The following CNBD2 variants were observed in gnomAD, a reference collection of about 807,000 sequenced individuals.
CNBD2 encodes cyclic nucleotide binding domain containing 2.
Under a neutral mutation model 63.7 loss-of-function variants are expected in CNBD2, and 64 were observed. The ratio of observed to expected loss-of-function variants is 1.00; its 90% CI spans 0.82 to 1.24. The LOEUF (loss-of-function observed/expected upper bound fraction) is 1.24. CNBD2 is among the 50% of genes most tolerant of loss of function. The probability of loss-of-function intolerance (pLI) is 0.00; values close to 1 mark genes in which losing one functional copy is unlikely to be tolerated. For missense variants in CNBD2, 691 were observed against 713.5 expected (o/e 0.97, Z 0.36); for synonymous variants, 229 against 255.4 (o/e 0.90, Z 0.99).
chr20:36,005,366 G>A (rs151123887), intron 8 of CNBD2, among the ~76,000 whole-genome samples: 2,300 of 152,244 alleles, frequency 0.015, 21 homozygotes, highest in Non-Finnish European at 0.023. Flanking sequence ...AGACTCTAAT[G>A]CCGCCACTGA....
chr20:36,018,245 G>C (rs982542904), intron 10 of CNBD2, among the ~76,000 whole-genome samples: 1 of 152,118 alleles, frequency 6.6e-6, no homozygotes, highest in Non-Finnish European at 1.5e-5. Context: ...AGTTTGGTAG[G>C]CAGTGACAGG....
intron 8 of CNBD2, among the ~76,000 whole-genome samples, chr20:36,004,240 T>C (rs1216647224): frequency 6.6e-6 from 1 of 152,216 alleles, no homozygotes. Context: ...AGAGGCTGCC[T>C]ACCACTGGTA....
chr20:35,966,200 C>G (rs1158391946), upstream of CNBD2, among the ~76,000 whole-genome samples: 1 of 152,200 alleles, frequency 6.6e-6, no homozygotes, highest in Non-Finnish European at 1.5e-5. Context: ...CTCTCTGTCT[C>G]TCTTTCTAAA....
chr20:35,973,119 G>GT, intron 2 of CNBD2: 1 of 405,294 alleles, frequency 2.5e-6, no homozygotes, highest in South Asian at 6.8e-5. Flanking sequence ...ATCATGCCTA[G>GT]TTTTTCTCTT....
At chr20:36,011,560 C>T (rs1408081940) in intron 10 of CNBD2, among the ~76,000 whole-genome samples, 2 of 152,024 alleles carry the variant, frequency 1.3e-5, no homozygotes, top group Non-Finnish European at 2.9e-5. Context: ...TGGTGTACGC[C>T]TGTAATCCCA....
intron 10 of CNBD2, among the ~76,000 whole-genome samples, chr20:36,013,926 A>G (rs1296050451): frequency 1.3e-5 from 2 of 152,092 alleles, no homozygotes; most frequent in African/African-American, 4.8e-5. Flanking sequence ...TCACGCCTGT[A>G]ATCCCAGCAC....
At chr20:36,004,410 A>C (rs1362647544) in intron 8 of CNBD2, among the ~76,000 whole-genome samples, 1 of 152,080 alleles carries the variant, frequency 6.6e-6, no homozygotes, top group Non-Finnish European at 1.5e-5. Flanking sequence ...CTTCTGTCTC[A>C]TCAATTCAAG....
At chr20:36,029,359 T>A (rs2057317301) in intron 11 of CNBD2, among the ~76,000 whole-genome samples, 1 of 152,178 alleles carries the variant, frequency 6.6e-6, no homozygotes, top group African/African-American at 2.4e-5. Context: ...TGTTATTTAT[T>A]ATGTAAGAAA....
At chr20:35,975,890 C>G in intron 2 of CNBD2, 59 bp from the exon 3 acceptor site, 1 of 1,498,774 alleles carries the variant, frequency 6.7e-7, no homozygotes, top group East Asian at 2.3e-5. Flanking sequence ...GCTCTAGATG[C>G]AAAGTTCTAG....
intron 3 of CNBD2, among the ~76,000 whole-genome samples, chr20:35,978,545 C>G (rs530119045): frequency 6.6e-6 from 1 of 152,148 alleles, no homozygotes; most frequent in Non-Finnish European, 1.5e-5. Context: ...GGGGTTTCAC[C>G]GTGTTAGCCA....
chr20:35,995,119 A>G lies in CNBD2; in HGVS notation c.937A>G (p.Ile313Val). The G allele has an allele frequency of 3.1e-6, 5 of 1,613,994 alleles. No individual in the cohort carries two copies. The highest frequency in any genetic ancestry group is 3.4e-6 in the Non-Finnish European group (4 of 1,179,900). The change falls in exon 8 of 12, where the codon ATA becomes GTA. Residue 313 changes from isoleucine to valine, a missense_variant. Ile to Val is a conservative substitution (Grantham distance 29). Coordinates refer to ENST00000373973, the MANE Select transcript of CNBD2 (RefSeq NM_001365709.1). ...ATGGATCTGGCAGCACCTGGAGCTGATAGATGGCAGACCTCTGAAGACCCA... is the reference window on the plus strand; with the variant it reads ...ATGGATCTGGCAGCACCTGGAGCTGGTAGATGGCAGACCTCTGAAGACCCA... ...RRWIWQHLEL[I>V]DGRPLKTHLS... is the part of the protein sequence containing the mutation.
chr20:35,996,649 G>A (rs1024372120), intron 8 of CNBD2, among the ~76,000 whole-genome samples: 4 of 151,644 alleles, frequency 2.6e-5, no homozygotes, highest in Non-Finnish European at 4.4e-5. Flanking sequence ...CTGGGATTAC[G>A]GGCACATGCC....
At chr20:36,019,591 G>A (rs183050513) in intron 10 of CNBD2, among the ~76,000 whole-genome samples, 2 of 142,932 alleles carry the variant, frequency 1.4e-5, no homozygotes, top group East Asian at 4.2e-4. Context: ...AAGTGTTCAA[G>A]ACAGACAAGC....
intron 3 of CNBD2, among the ~76,000 whole-genome samples, 160 bp from the exon 4 acceptor site, chr20:35,980,299 A>G (rs972834356): frequency 2.0e-5 from 3 of 151,878 alleles, no homozygotes; most frequent in Non-Finnish European, 4.4e-5. Context: ...GGGCGTGTAA[A>G]ATGTTTATCC....
chr20:35,977,302 C>T (rs542036102), intron 3 of CNBD2, among the ~76,000 whole-genome samples: 3 of 152,312 alleles, frequency 2.0e-5, no homozygotes, highest in South Asian at 4.1e-4. Flanking sequence ...CCAATTTATC[C>T]TCCCGTCTCA....
chr20:35,971,720 G>C (rs2056421280), intron 1 of CNBD2, among the ~76,000 whole-genome samples: 1 of 152,108 alleles, frequency 6.6e-6, no homozygotes, highest in Non-Finnish European at 1.5e-5. Context: ...CTGGCCTAGG[G>C]TGCCTTTTAT....
upstream of CNBD2, among the ~76,000 whole-genome samples, chr20:35,968,168 G>A (rs973365299): frequency 3.9e-5 from 6 of 152,258 alleles, no homozygotes; most frequent in Non-Finnish European, 7.4e-5. Flanking sequence ...AAATTAAGGG[G>A]CAGGCTAATG....
intron 10 of CNBD2, among the ~76,000 whole-genome samples, chr20:36,021,285 T>C (rs1349412279): frequency 1.3e-5 from 2 of 152,076 alleles, no homozygotes; most frequent in African/African-American, 4.8e-5. Flanking sequence ...GGCTGTTATG[T>C]TAAGTGGAAT....
At chr20:35,989,871 G>C (rs2056719524) in intron 7 of CNBD2, among the ~76,000 whole-genome samples, 1 of 139,026 alleles carries the variant, frequency 7.2e-6, no homozygotes, top group Admixed American at 7.3e-5. Flanking sequence ...GAGAGGGAGA[G>C]AGAGAGAGAG....
Sources: allele counts gnomAD v4.1 joint callset (sites outside exome capture counted in the v4.1 genomes callset), GRCh38; gene constraint gnomAD v4.1.1; transcripts MANE v1.5; gene names NCBI Gene and HGNC (gene_info 2026-07-23, HGNC 2026-07-21).